ABCB5: variants seen among roughly 807,000 people sequenced by gnomAD.
The protein encoded by ABCB5 is ATP binding cassette subfamily B member 5.
Under a neutral mutation model 144.2 loss-of-function variants are expected in ABCB5, and 155 were observed. The ratio of observed to expected loss-of-function variants is 1.08; its 90% CI spans 0.94 to 1.23. The LOEUF (loss-of-function observed/expected upper bound fraction) is 1.23, where lower values mean the gene tolerates loss of function less well. ABCB5 is among the 50% of genes most tolerant of loss of function. The probability of loss-of-function intolerance (pLI) is 0.00; values close to 1 mark genes in which losing one functional copy is unlikely to be tolerated. For synonymous variants in ABCB5, 610 were observed against 528.6 expected (o/e 1.15, Z -2.11); for missense variants, 1,830 against 1,520.8 (o/e 1.20, Z -3.38).
chr7:20,722,194 T>C (rs1781888890), intron 20 of ABCB5, among the ~76,000 whole-genome samples: 1 of 152,188 alleles, frequency 6.6e-6, no homozygotes, highest in Non-Finnish European at 1.5e-5. Context: ...AAGTTAGGGT[T>C]GAAGAGATGG....
chr7:20,646,106 G>A lies in ABCB5; in HGVS notation c.949G>A (p.Glu317Lys). Residue 317 changes from glutamate (E) to lysine (K), a missense_variant, in exon 9 of 28, where the codon GAA becomes AAA. Coordinates refer to ENST00000404938, the MANE Select transcript of ABCB5 (RefSeq NM_001163941.2). ...WYGTSLILNGEPGYTIGTVLA... is the reference protein window; with the variant it reads ...WYGTSLILNGKPGYTIGTVLA... ...TGGAACCTCCTTGATTCTTAATGGAGAACCTGGATATACCATCGGGACTGT... is the reference window on the plus strand; with the variant it reads ...TGGAACCTCCTTGATTCTTAATGGAAAACCTGGATATACCATCGGGACTGT... 6.2e-7 allele frequency: 1 copy of A among 1,613,660 alleles called. No individual in the cohort carries two copies. The highest frequency in any genetic ancestry group is 1.7e-5 in the Admixed American group (1 of 59,972).
intron 11 of ABCB5, 85 bp from the exon 12 acceptor site, chr7:20,649,937 T>C: frequency 7.0e-7 from 1 of 1,432,198 alleles, no homozygotes; most frequent in Admixed American, 2.4e-5. Context: ...TTGTTTTTGG[T>C]TATAATTATG....
intron 14 of ABCB5, among the ~76,000 whole-genome samples, chr7:20,661,534 C>CTCTTTTTTTTTTTTTTT (rs1406657803): frequency 7.6e-6 from 1 of 132,388 alleles, no homozygotes; most frequent in Non-Finnish European, 1.6e-5. Context: ...TCTTTCTTTT[C>CTCTTTTTTTTTTTTTTT]TTTTTCTTTT....
chr7:20,719,918 T>G (rs1425742624), intron 20 of ABCB5, among the ~76,000 whole-genome samples: 1 of 148,322 alleles, frequency 6.7e-6, no homozygotes, highest in Non-Finnish European at 1.5e-5. Flanking sequence ...AATATAGATG[T>G]AAATGTGTGT....
intron 19 of ABCB5, 116 bp from the exon 20 acceptor site, chr7:20,704,608 T>G (rs1786755081): frequency 4.5e-6 from 3 of 660,938 alleles, no homozygotes; most frequent in Non-Finnish European, 7.8e-6. Flanking sequence ...TTATAGGAAT[T>G]AAGTACCTGT....
chr7:20,755,470 G>T lies in ABCB5; in HGVS notation c.3620G>T (p.Cys1207Phe), dbSNP rs1347891707. 6.2e-7 allele frequency: 1 copy of T among 1,614,104 alleles called. No individual in the cohort carries two copies. Among genetic ancestry groups the T allele is most frequent in the Non-Finnish European group, 8.5e-7 (1 of 1,180,046 alleles). ...GATAAAGCCAGGACGGGAAGGACAT[G>T]CCTAGTGGTCACTCACAGGCTCTCT... ...ALDKARTGRT[C>F]LVVTHRLSAI... Residue 1207 changes from cysteine to phenylalanine, a missense_variant, in exon 28 of 28, where the codon TGC becomes TTC. By Grantham distance (205) the Cys-to-Phe change is radical. Coordinates refer to ENST00000404938, the MANE Select transcript of ABCB5 (RefSeq NM_001163941.2).
chr7:20,655,381 G>T (rs1784749923), intron 13 of ABCB5, among the ~76,000 whole-genome samples: 1 of 152,066 alleles, frequency 6.6e-6, no homozygotes. Context: ...GCTGAGACAG[G>T]AGAATCACTT....
intron 15 of ABCB5, among the ~76,000 whole-genome samples, chr7:20,684,691 A>T (rs893227524): frequency 2.6e-5 from 4 of 152,236 alleles, no homozygotes; most frequent in African/African-American, 7.2e-5. Context: ...AGAGAAAATG[A>T]TAGCAAAAAG....
chr7:20,619,591 A>G (rs147968149), intron 1 of ABCB5, among the ~76,000 whole-genome samples: 4 of 152,108 alleles, frequency 2.6e-5, no homozygotes, highest in African/African-American at 9.6e-5. Context: ...CCTTTGTAGG[A>G]TGCAGAGTTT....
chr7:20,694,785 A>G (rs1188845135), intron 16 of ABCB5, among the ~76,000 whole-genome samples: 1 of 152,080 alleles, frequency 6.6e-6, no homozygotes, highest in Non-Finnish European at 1.5e-5. Context: ...ATCAATCCCA[A>G]TTCTATATAC....
At position 20,702,828 on chromosome 7, in the gene ABCB5, ATTT is replaced by A. The variant is rs5882755; in HGVS notation, c.2338-1877_2338-1875del. Among the ~76,000 whole-genome samples, 155 of 114,090 alleles carry A rather than the reference ATTT, an allele frequency of 1.4e-3. 1 individual carries two copies. Among genetic ancestry groups the A allele is most frequent in the African/African-American group, 4.7e-3 (141 of 30,034 alleles). 74.8% of individuals were successfully genotyped at this position (114,090 alleles called of 152,430 possible). On this transcript the variant is annotated intron_variant, in intron 19 of 27. Transcript: ENST00000404938. ...AGGCGCCCACCGCCACGCCTGGCTA[ATTT>A]TTTTTTTTTTTTTTTTTTGTATTTT...
chr7:20,697,050 C>T (rs1197720006), intron 16 of ABCB5, among the ~76,000 whole-genome samples: 1 of 152,112 alleles, frequency 6.6e-6, no homozygotes, highest in Non-Finnish European at 1.5e-5. Flanking sequence ...ATGCTCAGTG[C>T]CTGATAGTTA....
At chr7:20,711,848 T>TTTC (rs1562573823) in intron 20 of ABCB5, among the ~76,000 whole-genome samples, 4 of 62,306 alleles carry the variant, frequency 6.4e-5, no homozygotes, top group Non-Finnish European at 1.2e-4. Context: ...TTCTTTCTTT[T>TTTC]CTTTCTTTCT....
At position 20,673,435 on chromosome 7, in the gene ABCB5, G is replaced by GCACC. The variant is rs1785511842; in HGVS notation, c.1708-8070_1708-8069insCACC. ...ACATATTTTGGTGTCATGTATTTTA[G>GCACC]AACTGTGTTATTACACACATAAATA... On this transcript the variant is annotated intron_variant, in intron 14 of 27. Transcript: ENST00000404938. Among the ~76,000 whole-genome samples, 13 of 152,030 alleles carry GCACC rather than the reference G, an allele frequency of 8.6e-5. 1 individual carries two copies. In the South Asian group the frequency reaches 2.5e-3, roughly 29 times the overall value.
chr7:20,615,886 T>C (rs1477473044), intron 1 of ABCB5, 49 bp downstream of exon 1: 1 of 152,298 alleles, frequency 6.6e-6, no homozygotes, highest in African/African-American at 2.4e-5. Flanking sequence ...TTGAAGCTTG[T>C]GAAGAATATA....
chr7:20,753,634 C>T, intron 27 of ABCB5, 128 bp downstream of exon 27: 1 of 1,084,140 alleles, frequency 9.2e-7, no homozygotes, highest in Non-Finnish European at 1.3e-6. Flanking sequence ...TCACCAGTTC[C>T]AATTAAGGCT....
intron 24 of ABCB5, among the ~76,000 whole-genome samples, chr7:20,741,116 A>C (rs890506758): frequency 1.3e-5 from 2 of 151,862 alleles, no homozygotes; most frequent in Non-Finnish European, 2.9e-5. Flanking sequence ...AAAAAAAAAA[A>C]AAAATTAAAG....
At chr7:20,644,853 G>A (rs1363138295) in intron 7 of ABCB5, among the ~76,000 whole-genome samples, 1 of 152,198 alleles carries the variant, frequency 6.6e-6, no homozygotes, top group African/African-American at 2.4e-5. Context: ...TGGACAGCAT[G>A]TCTTTACTTA....
chr7:20,755,551 A>T lies in ABCB5; in HGVS notation c.3701A>T (p.Gln1234Leu), dbSNP rs1223841064. ...CTGCACAATGGAAAGATAAAGGAAC[A>T]AGGAACTCATCAAGAGCTCCTGAGA... Reference protein sequence around the residue: ...VVLHNGKIKEQGTHQELLRNR... With the variant: ...VVLHNGKIKELGTHQELLRNR... Residue 1234 changes from glutamine to leucine, a missense_variant, in exon 28 of 28, where the codon CAA becomes CTA. Physicochemically the swap from Gln to Leu is moderately radical, Grantham distance 113. Transcript: ENST00000404938. 1 of 1,614,214 alleles carries T rather than the reference A, an allele frequency of 6.2e-7. No homozygotes were observed. Among genetic ancestry groups the T allele is most frequent in the Non-Finnish European group, 8.5e-7 (1 of 1,180,022 alleles).
Sources: allele counts gnomAD v4.1 joint callset (sites outside exome capture counted in the v4.1 genomes callset), GRCh38; gene constraint gnomAD v4.1.1; transcripts MANE v1.5; gene names NCBI Gene and HGNC (gene_info 2026-07-23, HGNC 2026-07-21).